NKAIN2: variants seen among roughly 807,000 people sequenced by gnomAD.
The protein encoded by NKAIN2 is sodium/potassium transporting ATPase interacting 2.
Under a neutral mutation model 32.6 loss-of-function variants are expected in NKAIN2, and 14 were observed. The observed-to-expected ratio is 0.43, with a 90% CI of 0.28 to 0.67. The LOEUF is 0.67. NKAIN2 is among the 30% of genes least tolerant of loss of function. The probability of loss-of-function intolerance (pLI) is 0.17; values close to 1 mark genes in which losing one functional copy is unlikely to be tolerated. For missense variants in NKAIN2, 198 were observed against 258.3 expected (o/e 0.77, Z 1.60); for synonymous variants, 80 against 87.2 (o/e 0.92, Z 0.46).
chr6:124,630,008 C>T (rs1359004351), intron 3 of NKAIN2, among the ~76,000 whole-genome samples: 3 of 152,096 alleles, frequency 2.0e-5, no homozygotes, highest in Non-Finnish European at 4.4e-5. Context: ...CACAATGGCA[C>T]TAAGTTACAG....
intron 3 of NKAIN2, among the ~76,000 whole-genome samples, chr6:124,364,755 G>GA (rs956447044): frequency 2.6e-5 from 4 of 151,090 alleles, no homozygotes; most frequent in African/African-American, 4.8e-5. Context: ...GGCAGAGTGA[G>GA]AAAAAAAACA....
chr6:124,321,761 C>A (rs540232708), intron 2 of NKAIN2, among the ~76,000 whole-genome samples: 1 of 152,116 alleles, frequency 6.6e-6, no homozygotes, highest in Non-Finnish European at 1.5e-5. Flanking sequence ...GGGGGCCCTC[C>A]TTGCAAATTC....
At chr6:124,253,369 T>C (rs1793772000) in intron 1 of NKAIN2, among the ~76,000 whole-genome samples, 1 of 152,228 alleles carries the variant, frequency 6.6e-6, no homozygotes, top group Non-Finnish European at 1.5e-5. Flanking sequence ...AGCTTTTCTG[T>C]AGATTCTAAT....
intron 3 of NKAIN2, among the ~76,000 whole-genome samples, chr6:124,461,524 T>C (rs1776530930): frequency 6.6e-6 from 1 of 151,816 alleles, no homozygotes; most frequent in African/African-American, 2.4e-5. Context: ...TTACTCCCTA[T>C]CTTTGCCTCT....
intron 4 of NKAIN2, among the ~76,000 whole-genome samples, chr6:124,771,204 G>A (rs758569169): frequency 6.6e-6 from 1 of 152,038 alleles, no homozygotes; most frequent in Non-Finnish European, 1.5e-5. Context: ...CTTTGAAGTA[G>A]AACAAAAAGT....
intron 1 of NKAIN2, among the ~76,000 whole-genome samples, chr6:124,128,117 C>T (rs1217004107): frequency 6.6e-6 from 1 of 152,192 alleles, no homozygotes; most frequent in Admixed American, 6.5e-5. Context: ...GCGTGAGCCA[C>T]CGTGCCTGGC....
intron 1 of NKAIN2, among the ~76,000 whole-genome samples, chr6:124,030,060 A>G (rs1476092565): frequency 6.6e-6 from 1 of 151,934 alleles, no homozygotes; most frequent in African/African-American, 2.4e-5. Context: ...AAACAAACAA[A>G]CAAAACAAAA....
At chr6:124,700,757 T>C (rs1774737698) in intron 4 of NKAIN2, among the ~76,000 whole-genome samples, 1 of 151,782 alleles carries the variant, frequency 6.6e-6, no homozygotes, top group East Asian at 1.9e-4. Flanking sequence ...AAAAATTGAG[T>C]GCCCTAATAC....
At chr6:124,349,293 C>A (rs918356056) in intron 2 of NKAIN2, among the ~76,000 whole-genome samples, 2 of 152,082 alleles carry the variant, frequency 1.3e-5, no homozygotes, top group Non-Finnish European at 1.5e-5. Flanking sequence ...CCAGCCTGCT[C>A]CCCCCTACAA....
At chr6:123,888,636 T>G (rs2114362491) in intron 1 of NKAIN2, among the ~76,000 whole-genome samples, 1 of 152,246 alleles carries the variant, frequency 6.6e-6, no homozygotes, top group East Asian at 1.9e-4. Context: ...TATCTTAAAT[T>G]TAAGAATATA....
intron 1 of NKAIN2, among the ~76,000 whole-genome samples, chr6:124,033,371 A>G (rs1477328003): frequency 6.6e-6 from 1 of 152,140 alleles, no homozygotes; most frequent in Non-Finnish European, 1.5e-5. Flanking sequence ...CTTCTTACTA[A>G]TTATAACACT....
intron 4 of NKAIN2, among the ~76,000 whole-genome samples, chr6:124,678,856 A>C (rs1773481318): frequency 6.6e-6 from 1 of 152,170 alleles, no homozygotes; most frequent in Admixed American, 6.6e-5. Context: ...GATCTTTGTT[A>C]ATCAACCCAC....
chr6:124,381,030 C>G (rs538833042), intron 3 of NKAIN2, among the ~76,000 whole-genome samples: 69 of 152,212 alleles, frequency 4.5e-4, no homozygotes, highest in African/African-American at 1.7e-3. Context: ...ATTGCTCTTC[C>G]CTTTACTTAG....
intron 1 of NKAIN2, among the ~76,000 whole-genome samples, chr6:124,222,066 T>TC (rs1310504076): frequency 2.6e-5 from 4 of 152,166 alleles, no homozygotes; most frequent in African/African-American, 9.6e-5. Context: ...CTTCTACCTA[T>TC]CCCGTAAAGG....
chr6:124,326,926 A>T (rs1352540801), intron 2 of NKAIN2, among the ~76,000 whole-genome samples: 4 of 152,042 alleles, frequency 2.6e-5, no homozygotes, highest in Admixed American at 2.6e-4. Flanking sequence ...TTTTGTACCC[A>T]TATATGATTT....
intron 3 of NKAIN2, among the ~76,000 whole-genome samples, chr6:124,561,793 C>A (rs144945032): frequency 6.6e-6 from 1 of 152,184 alleles, no homozygotes; most frequent in Non-Finnish European, 1.5e-5. Flanking sequence ...TGAAAATATA[C>A]TGGGTGGCTC....
intron 1 of NKAIN2, among the ~76,000 whole-genome samples, chr6:124,260,546 CA>C (rs1433636082): frequency 2.0e-5 from 3 of 152,042 alleles, no homozygotes; most frequent in Admixed American, 6.6e-5. Flanking sequence ...GTTCAAGAAT[CA>C]GCAAGGAGAC....
At chr6:123,873,390 A>G (rs896245601) in intron 1 of NKAIN2, among the ~76,000 whole-genome samples, 5 of 152,160 alleles carry the variant, frequency 3.3e-5, no homozygotes, top group Non-Finnish European at 2.9e-5. Context: ...ATGAGGTTCA[A>G]AGTTATTCAG....
intron 1 of NKAIN2, among the ~76,000 whole-genome samples, chr6:123,993,932 C>G (rs1173686491): frequency 6.6e-6 from 1 of 151,976 alleles, no homozygotes; most frequent in African/African-American, 2.4e-5. Context: ...TAATAAAAAC[C>G]ATAATTTGGG....
Sources: gnomAD v4.1 joint callset for allele counts (sites outside exome capture counted in the v4.1 genomes callset) on GRCh38, gnomAD v4.1.1 for gene constraint, MANE v1.5 for transcripts, NCBI Gene and HGNC (gene_info 2026-07-23, HGNC 2026-07-21) for gene names.